Variants in NTNG1 observed in about 807,000 individuals in gnomAD.
NTNG1 encodes the protein netrin-G1.
Under a neutral mutation model 54.0 loss-of-function variants are expected in NTNG1, and 16 were observed. The ratio of observed to expected loss-of-function variants is 0.30; its 90% CI spans 0.20 to 0.45. The LOEUF (loss-of-function observed/expected upper bound fraction) is 0.45. NTNG1 is among the 20% of genes least tolerant of loss of function. The pLI is 1.00. For synonymous variants in NTNG1, 255 were observed against 263.1 expected, an observed-to-expected ratio of 0.97 and a Z score of 0.30; for missense variants, 530 against 678.7, an observed-to-expected ratio of 0.78 and a Z score of 2.43.
chr1:107,480,552 A>G (rs1480656308), intron 7 of NTNG1, 59 bp from the exon 8 acceptor site: 3 of 1,034,820 alleles, frequency 2.9e-6, no homozygotes, highest in African/African-American at 1.6e-5. Flanking sequence ...ATGAACTTCA[A>G]TTGATTCTGC....
intron 3 of NTNG1, among the ~76,000 whole-genome samples, chr1:107,358,917 C>G (rs1670100892): frequency 6.6e-6 from 1 of 152,166 alleles, no homozygotes; most frequent in African/African-American, 2.4e-5. Context: ...GACTTGACAG[C>G]TCCACTGTAA....
chr1:107,255,230 A>G (rs934279459), intron 2 of NTNG1, among the ~76,000 whole-genome samples: 1 of 152,260 alleles, frequency 6.6e-6, no homozygotes, highest in Non-Finnish European at 1.5e-5. Context: ...ATTTACAAAC[A>G]TAAAATGTTT....
intron 7 of NTNG1, 23 bp from the exon 8 acceptor site, chr1:107,480,588 C>CCCCCCA: frequency 8.9e-7 from 1 of 1,119,762 alleles, no homozygotes; most frequent in Non-Finnish European, 1.3e-6. Context: ...CCACCCACCC[C>CCCCCCA]TACCTTCCCC....
intron 3 of NTNG1, among the ~76,000 whole-genome samples, chr1:107,394,935 G>A (rs573180346): frequency 7.9e-5 from 12 of 152,248 alleles, no homozygotes; most frequent in African/African-American, 2.6e-4. Flanking sequence ...CTTTCTCAAT[G>A]TACAGTGTAA....
chr1:107,361,374 C>CATATATATATATATAT lies in NTNG1; in HGVS notation c.888-33777_888-33762dup, dbSNP rs1553232701. ...ACATTATATAACATATATATATATA[C>CATATATATATATATAT]ATATATATATATATATATTTTTTTT... is the stretch of plus-strand genomic sequence containing the variant. On this transcript the variant is annotated intron_variant, in intron 3 of 7. Coordinates refer to ENST00000370068, the MANE Select transcript of NTNG1 (RefSeq NM_001113226.3). Among the ~76,000 whole-genome samples the CATATATATATATATAT allele has an allele frequency of 1.3e-4, 11 of 87,960 alleles. No homozygotes were observed. The South Asian group carries it at 2.0e-3, about 16-fold the overall frequency. 57.7% of individuals were successfully genotyped at this position (87,960 alleles called of 152,430 possible). A position where few individuals can be genotyped will look rare whatever the true frequency, so the allele number is the denominator to read the frequency against.
rs1272937535 is a variant in NTNG1 at position 107,270,725 on chromosome 1, C to G, written c.247-53557C>G. On this transcript the variant is annotated intron_variant, in intron 2 of 7. Coordinates refer to ENST00000370068, the MANE Select transcript of NTNG1 (RefSeq NM_001113226.3). ...CCGCCCCCGCCCCCGCCCCCCCACCCCCAACCCGCCAAAGTGCAGTGCTTG... is the reference window on the plus strand; with the variant it reads ...CCGCCCCCGCCCCCGCCCCCCCACCGCCAACCCGCCAAAGTGCAGTGCTTG... Among the ~76,000 whole-genome samples the G allele has an allele frequency of 2.1e-5, 3 of 141,282 alleles. No individual in the cohort carries two copies. In the South Asian group the frequency reaches 8.0e-4, roughly 38 times the overall value. 92.7% of individuals were successfully genotyped at this position (141,282 alleles called of 152,430 possible).
chr1:107,275,967 A>G (rs1407195729), intron 2 of NTNG1, among the ~76,000 whole-genome samples: 1 of 152,236 alleles, frequency 6.6e-6, no homozygotes, highest in Non-Finnish European at 1.5e-5. Context: ...TGAGAATGCC[A>G]CAACACTTAG....
chr1:107,185,611 G>T (rs1049676998), intron 2 of NTNG1, among the ~76,000 whole-genome samples: 5 of 152,146 alleles, frequency 3.3e-5, no homozygotes, highest in African/African-American at 1.2e-4. Context: ...ATGAATTTTT[G>T]TGGGACACTA....
chr1:107,395,628 T>C lies in NTNG1; in HGVS notation c.1060+302T>C, dbSNP rs949845429. 5 of 521,462 alleles carry C rather than the reference T, an allele frequency of 9.6e-6. No individual in the cohort carries two copies. In the Admixed American group the frequency reaches 1.3e-4, roughly 14 times the overall value. 32.3% of individuals were successfully genotyped at this position (521,462 alleles called of 1,614,324 possible). A position where few individuals can be genotyped will look rare whatever the true frequency, so the allele number is the denominator to read the frequency against. ...TGATTTTTTTCCTCCCCCAAATTAATTTCCTATTAAAATATCAAAGGCCTT... is the reference window on the plus strand; with the variant it reads ...TGATTTTTTTCCTCCCCCAAATTAACTTCCTATTAAAATATCAAAGGCCTT... On this transcript the variant is annotated intron_variant, in intron 4 of 7. Coordinates refer to ENST00000370068, the MANE Select transcript of NTNG1 (RefSeq NM_001113226.3).
At chr1:107,216,420 T>C (rs74505798) in intron 2 of NTNG1, among the ~76,000 whole-genome samples, 2,389 of 152,280 alleles carry the variant, frequency 0.016, 59 homozygotes, top group African/African-American at 0.053. Context: ...GATTTTTGTT[T>C]TTAATTCTGT....
chr1:107,423,223 AT>A (rs1308031791), intron 5 of NTNG1, among the ~76,000 whole-genome samples: 2 of 152,030 alleles, frequency 1.3e-5, no homozygotes, highest in Admixed American at 6.6e-5. Flanking sequence ...CATATATAGT[AT>A]TTTTTCTATC....
At position 107,324,555 on chromosome 1, in the gene NTNG1, C is replaced by G; in HGVS notation, c.520C>G (p.Pro174Ala). 5 of 1,613,730 alleles carry G rather than the reference C, an allele frequency of 3.1e-6. No homozygotes were observed. Among genetic ancestry groups the G allele is most frequent in the Non-Finnish European group, 3.4e-6 (4 of 1,179,868 alleles). ...TCTCGATTATGGACGAACATGGCAG[C>G]CCTATCAGTATTATGCCACAGACTG... Reference protein sequence around the residue: ...KSLDYGRTWQPYQYYATDCLD... With the variant: ...KSLDYGRTWQAYQYYATDCLD... The change falls in exon 3 of 8, where the codon CCC (proline) becomes GCC (alanine). Residue 174 changes from proline to alanine, a missense_variant. Physicochemically the swap from Pro to Ala is conservative, Grantham distance 27 (BLOSUM62 -1). Transcript: ENST00000370068.
intron 3 of NTNG1, among the ~76,000 whole-genome samples, chr1:107,376,270 C>T (rs541630995): frequency 0.013 from 1,917 of 151,898 alleles, 40 homozygotes; most frequent in African/African-American, 0.038. Flanking sequence ...TAGCTGGGCG[C>T]GGTGGCGGGC....
chr1:107,143,213 T>C lies in NTNG1; in HGVS notation c.-526+2073T>C, dbSNP rs1653863547. 3 of 152,282 alleles carry C rather than the reference T, an allele frequency of 2.0e-5. No individual in the cohort carries two copies. The South Asian group carries it at 6.2e-4, about 32-fold the overall frequency. 9.4% of individuals were successfully genotyped at this position (152,282 alleles called of 1,614,324 possible). On this transcript the variant is annotated intron_variant, in intron 1 of 7. Transcript: ENST00000370068. ...TTTAAGACGGATAATCTTAAAACTT[T>C]TGCATGGAAACAGTTTATTTGAACA...
At chr1:107,354,685 C>T (rs1481043668) in intron 3 of NTNG1, among the ~76,000 whole-genome samples, 1 of 152,022 alleles carries the variant, frequency 6.6e-6, no homozygotes, top group African/African-American at 2.4e-5. Context: ...CCTCTCCCAT[C>T]CCCTTTTGGT....
chr1:107,283,766 T>C (rs191341677), intron 2 of NTNG1, among the ~76,000 whole-genome samples: 40 of 152,292 alleles, frequency 2.6e-4, no homozygotes, highest in African/African-American at 7.9e-4. Context: ...GGTGGATCCC[T>C]ATGGCATAAC....
At chr1:107,353,423 C>T (rs550032975) in intron 3 of NTNG1, among the ~76,000 whole-genome samples, 4 of 152,332 alleles carry the variant, frequency 2.6e-5, no homozygotes, top group African/African-American at 9.6e-5. Flanking sequence ...TTTGCTAACA[C>T]ATAACAAAGG....
At chr1:107,280,881 A>ATTTTATTTTT (rs1664806114) in intron 2 of NTNG1, among the ~76,000 whole-genome samples, 1 of 150,884 alleles carries the variant, frequency 6.6e-6, no homozygotes, top group African/African-American at 2.4e-5. Context: ...ATTTTATTTT[A>ATTTTATTTTT]TTTTATTTTA....
intron 2 of NTNG1, among the ~76,000 whole-genome samples, chr1:107,271,466 C>G (rs1232984743): frequency 6.6e-6 from 1 of 152,072 alleles, no homozygotes; most frequent in East Asian, 1.9e-4. Flanking sequence ...ATAATTAATT[C>G]CCTATACTCA....
Sources: gnomAD v4.1 joint callset for allele counts (sites outside exome capture counted in the v4.1 genomes callset) on GRCh38, gnomAD v4.1.1 for gene constraint, MANE v1.5 for transcripts, NCBI Gene and HGNC (gene_info 2026-07-23, HGNC 2026-07-21) for gene names.